Variants in RABL6 observed in about 807,000 individuals in gnomAD.
RABL6 encodes RAB, member RAS oncogene family like 6.
A neutral mutation model predicts 72.9 loss-of-function variants in RABL6; 28 were observed. The ratio of observed to expected loss-of-function variants is 0.38; its 90% CI spans 0.28 to 0.53. The LOEUF is 0.53. RABL6 is among the 20% of genes least tolerant of loss of function. RABL6 has a pLI of 0.80. For synonymous variants in RABL6, 477 were observed against 421.2 expected, an observed-to-expected ratio of 1.13 and a Z score of -1.62; for missense variants, 1,029 against 1,008.4, an observed-to-expected ratio of 1.02 and a Z score of -0.28.
At chr9:136,833,481 C>G in intron 7 of RABL6, 1 of 557,728 alleles carries the variant, frequency 1.8e-6, no homozygotes, top group Non-Finnish European at 3.2e-6. Context: ...CCCTGGGCTG[C>G]CCCGCCTGGG....
At chr9:136,813,704 C>T (rs1416173450) in intron 1 of RABL6, 1 of 197,778 alleles carries the variant, frequency 5.1e-6, no homozygotes. Flanking sequence ...CAAGCTCCAC[C>T]TCCCAAGTTT....
intron 7 of RABL6, chr9:136,834,083 G>C: frequency 7.1e-7 from 1 of 1,408,854 alleles, no homozygotes; most frequent in Non-Finnish European, 9.3e-7. Flanking sequence ...ATGTGTTCAA[G>C]CAGATCTGAT....
At chr9:136,835,003 C>T (rs1038006292) in intron 7 of RABL6, among the ~76,000 whole-genome samples, 1 of 149,378 alleles carries the variant, frequency 6.7e-6, no homozygotes. Context: ...AGGCAAGTAG[C>T]TCAGGCCTGT....
intron 1 of RABL6, among the ~76,000 whole-genome samples, chr9:136,820,734 TCA>T (rs1848219191): frequency 6.6e-6 from 1 of 152,114 alleles, no homozygotes; most frequent in Admixed American, 6.5e-5. Context: ...AGGGAAAATC[TCA>T]CAGCAAAATG....
chr9:136,836,026 A>G (rs115043148), intron 8 of RABL6, 181 bp downstream of exon 8: 5 of 600,854 alleles, frequency 8.3e-6, no homozygotes, highest in Non-Finnish European at 1.5e-5. Context: ...CAGCCCCCCC[A>G]CAGTCACCCC....
chr9:136,812,768 CAA>C (rs372763973), intron 1 of RABL6: 280 of 336,444 alleles, frequency 8.3e-4, no homozygotes, highest in African/African-American at 5.9e-3. Flanking sequence ...GAGGGAAAGA[CAA>C]AGGGACAGAA....
chr9:136,817,917 C>A (rs1588350611), intron 1 of RABL6, among the ~76,000 whole-genome samples: 2 of 151,870 alleles, frequency 1.3e-5, no homozygotes, highest in South Asian at 4.2e-4. Context: ...CAAAAATTAG[C>A]CGGGCATGAG....
intron 11 of RABL6, 37 bp downstream of exon 11, chr9:136,839,158 C>A (rs750044819): frequency 5.6e-6 from 9 of 1,606,500 alleles, no homozygotes; most frequent in Non-Finnish European, 7.7e-6. Context: ...GGCCTGGAGA[C>A]CCGGGTGGGG....
At chr9:136,834,114 C>T (rs1436590428) in intron 7 of RABL6, 73 of 1,318,524 alleles carry the variant, frequency 5.5e-5, no homozygotes, top group Non-Finnish European at 6.8e-5. Flanking sequence ...GTCTCAGCAG[C>T]GGGACCCCTG....
rs1048725524 is a variant in RABL6 at position 136,837,339 on chromosome 9, C to T, written c.810-7C>T. On this transcript the variant is annotated splice_region_variant and splice_polypyrimidine_tract_variant and intron_variant, in intron 8 of 14. Coordinates refer to ENST00000311502, the MANE Select transcript of RABL6 (RefSeq NM_024718.5). ...GCCAGGCTTCTCACCCGCCTTCTGC[C>T]TTTCAGCTTCCTGGAGATGATGGAG... 8 of 1,601,944 alleles carry T rather than the reference C, an allele frequency of 5.0e-6. No homozygotes were observed. The African/African-American group carries it at 1.1e-4, about 21-fold the overall frequency.
At chr9:136,834,577 CA>C (rs1200943316) in intron 7 of RABL6, 1 of 662,102 alleles carries the variant, frequency 1.5e-6, no homozygotes, top group African/African-American at 2.0e-5. Flanking sequence ...CTCCTGGGTT[CA>C]AGCGATTCTC....
intron 1 of RABL6, chr9:136,822,198 G>GT (rs1848252719): frequency 1.2e-5 from 11 of 910,916 alleles, no homozygotes; most frequent in South Asian, 3.3e-5. Context: ...AAAACCTGGG[G>GT]GGGGCGTTGC....
At chr9:136,822,049 G>A (rs1848248800) in intron 1 of RABL6, 2 of 1,289,666 alleles carry the variant, frequency 1.6e-6, no homozygotes, top group African/African-American at 1.5e-5. Context: ...AAATGACTGT[G>A]GGAACAGGTG....
In RABL6 at chr9:136,840,506, A is replaced by G; in HGVS notation, c.2174A>G (p.Asp725Gly). ...GGCGGCCGCCACCCTGGGGGTGGCG[A>G]CTACGAGGAGCTCTAGGCCGGCGTG... Reference protein sequence around the residue: ...APGGRHPGGGDYEEL With the variant: ...APGGRHPGGGGYEEL The change falls in exon 15 of 15, where the codon GAC becomes GGC. Residue 725 changes from aspartate to glycine, a missense_variant. This residue lies in a region of RABL6 where 595 missense variants were observed against 472.4 expected (regional missense o/e 1.26). Coordinates refer to ENST00000311502, the MANE Select transcript of RABL6 (RefSeq NM_024718.5). 6.8e-7 allele frequency: 1 copy of G among 1,465,454 alleles called. No homozygotes were observed. 90.8% of individuals were successfully genotyped at this position (1,465,454 alleles called of 1,614,324 possible). A position where few individuals can be genotyped will look rare whatever the true frequency, so the allele number is the denominator to read the frequency against.
chr9:136,837,920 T>G lies in RABL6; in HGVS notation c.1185T>G (p.Pro395=). ...ATVQSVEDFV[P]DDRLDRSFLE... ...TCCAGAGTGTGGAGGACTTTGTTCC[T>G]GACGACCGCCTGGACCGCAGCTTCC... is the stretch of plus-strand genomic sequence containing the variant. Residue 395 remains proline, a synonymous_variant, in exon 10 of 15, where the codon CCT becomes CCG. Transcript: ENST00000311502. 7.1e-6 allele frequency: 11 copies of G among 1,554,018 alleles called. No homozygotes were observed. The highest frequency in any genetic ancestry group is 9.6e-6 in the Non-Finnish European group (11 of 1,149,234).
intron 5 of RABL6, 36 bp downstream of exon 5, chr9:136,829,520 T>G: frequency 6.5e-7 from 1 of 1,532,862 alleles, no homozygotes; most frequent in Non-Finnish European, 8.9e-7. Context: ...TGCCTGTGAC[T>G]CTCACCCCCC....
rs1321941482 is a variant in RABL6 at position 136,838,125 on chromosome 9, G to A, written c.1280+110G>A. 17 of 1,332,924 alleles carry A rather than the reference G, an allele frequency of 1.3e-5. No individual in the cohort carries two copies. The South Asian group carries it at 2.1e-4, about 16-fold the overall frequency. The allele number at this position is 1,332,924 out of a possible 1,614,324, so 82.6% of individuals were successfully genotyped here. On this transcript the variant is annotated intron_variant, in intron 10 of 14. Transcript: ENST00000311502. ...GCGCAGAAGGGGCCCCCCGCCGGCT[G>A]GTCACTGTTGGCTGAGGACAGAGCA...
At chr9:136,820,440 T>C (rs1486084014) in intron 1 of RABL6, among the ~76,000 whole-genome samples, 1 of 151,716 alleles carries the variant, frequency 6.6e-6, no homozygotes, top group Non-Finnish European at 1.5e-5. Flanking sequence ...GGTGTGATCT[T>C]GGCTCACTGC....
At chr9:136,813,276 G>A (rs1049451550) in intron 1 of RABL6, 8 of 585,296 alleles carry the variant, frequency 1.4e-5, no homozygotes, top group Admixed American at 1.3e-4. Flanking sequence ...GAAGCGAACT[G>A]TAAGTGCATG....
Sources: gnomAD v4.1 joint callset for allele counts (sites outside exome capture counted in the v4.1 genomes callset) on GRCh38, gnomAD v4.1.1 for gene constraint, gnomAD v4.1.1 regional missense constraint, MANE v1.5 for transcripts, NCBI Gene and HGNC (gene_info 2026-07-23, HGNC 2026-07-21) for gene names.